Variants in CORO7 observed in about 807,000 individuals in gnomAD.
CORO7 encodes coronin-7.
In CORO7, 107 loss-of-function variants were observed where a neutral mutation model predicts 126.6. The ratio of observed to expected loss-of-function variants is 0.85; its 90% CI spans 0.72 to 0.99. CORO7 has a LOEUF of 0.99. Ranked by LOEUF, CORO7 falls within the 50% of genes least tolerant of loss-of-function variation. The probability of loss-of-function intolerance (pLI) is 0.00; values close to 1 mark genes in which losing one functional copy is unlikely to be tolerated. For synonymous variants in CORO7, 603 were observed against 536.8 expected (o/e 1.12, Z -1.70); for missense variants, 1,314 against 1,255.8 (o/e 1.05, Z -0.70).
At chr16:4,368,152 G>C (rs2054405805) in intron 9 of CORO7, among the ~76,000 whole-genome samples, 2 of 152,012 alleles carry the variant, frequency 1.3e-5, no homozygotes, top group African/African-American at 4.8e-5. Flanking sequence ...TTTGAGACCA[G>C]CCAGGCCAAC....
intron 9 of CORO7, among the ~76,000 whole-genome samples, chr16:4,377,359 T>TGGGTGGGC (rs1314884900): frequency 5.1e-5 from 1 of 19,514 alleles, no homozygotes; most frequent in African/African-American, 2.1e-4. Context: ...GGTGGGAGGG[T>TGGGTGGGC]GGGTGGGCGG....
intron 6 of CORO7, among the ~76,000 whole-genome samples, chr16:4,398,982 A>G (rs1254164406): frequency 6.6e-6 from 1 of 152,136 alleles, no homozygotes; most frequent in Non-Finnish European, 1.5e-5. Context: ...AAAAAAAAAA[A>G]ACAAAACCAA....
chr16:4,401,536 C>A (rs1192010760), intron 6 of CORO7, among the ~76,000 whole-genome samples: 2 of 152,178 alleles, frequency 1.3e-5, no homozygotes, highest in African/African-American at 4.8e-5. Context: ...ACCTCGGATT[C>A]AGAGGGATGG....
rs750175369 is a variant in CORO7, at chr16:4,364,856, G to A, written c.963C>T (p.Ala321=). 1.6e-5 allele frequency: 26 copies of A among 1,611,914 alleles called. No homozygotes were observed. The highest frequency in any genetic ancestry group is 3.3e-5 in the South Asian group (3 of 90,964). ...GAALVPRQAL[A]VMSCEVLRVL... ...CGCGGAGTACCTCGCAGCTCATGAC[G>A]GCCAGCGCCTGCCGGGGCACAAGGG... The change falls in exon 12 of 28, where the codon GCC becomes GCT. Residue 321 remains alanine (A), a synonymous_variant. Transcript: ENST00000251166.
At chr16:4,376,665 C>G (rs1379966902) in intron 9 of CORO7, among the ~76,000 whole-genome samples, 1 of 152,184 alleles carries the variant, frequency 6.6e-6, no homozygotes, top group African/African-American at 2.4e-5. Context: ...TGGTGTACCC[C>G]AGAGGTGGGT....
chr16:4,364,054 C>T (rs1013600095), intron 14 of CORO7, among the ~76,000 whole-genome samples: 5 of 152,046 alleles, frequency 3.3e-5, no homozygotes, highest in African/African-American at 1.2e-4. Context: ...GCCATGGTGG[C>T]ACATGCCTGT....
intron 19 of CORO7, 122 bp downstream of exon 19, chr16:4,360,821 C>A: frequency 6.7e-7 from 1 of 1,502,368 alleles, no homozygotes. Context: ...CCCACCCCTC[C>A]TCGCTGCTGG....
intron 6 of CORO7, among the ~76,000 whole-genome samples, chr16:4,395,833 A>G (rs148474633): frequency 2.0e-5 from 3 of 152,332 alleles, no homozygotes; most frequent in Non-Finnish European, 2.9e-5. Context: ...AACCAGGAAG[A>G]CGAGCTTACA....
At chr16:4,400,415 C>T (rs1408034286) in intron 6 of CORO7, among the ~76,000 whole-genome samples, 1 of 152,184 alleles carries the variant, frequency 6.6e-6, no homozygotes, top group Admixed American at 6.5e-5. Context: ...GGGTGGATCA[C>T]CTGATGTCAG....
At chr16:4,396,962 G>C (rs2055614878) in intron 6 of CORO7, among the ~76,000 whole-genome samples, 1 of 148,376 alleles carries the variant, frequency 6.7e-6, no homozygotes, top group African/African-American at 2.5e-5. Context: ...GTTGCAGTGA[G>C]CTGAGATTGC....
At chr16:4,376,335 C>A (rs1274987794) in intron 9 of CORO7, among the ~76,000 whole-genome samples, 1 of 152,194 alleles carries the variant, frequency 6.6e-6, no homozygotes, top group Non-Finnish European at 1.5e-5. Context: ...TTGGCAGACT[C>A]CCGGGGCTGG....
intron 9 of CORO7, among the ~76,000 whole-genome samples, chr16:4,380,141 G>A (rs575987422): frequency 2.5e-4 from 38 of 151,540 alleles, no homozygotes; most frequent in East Asian, 1.6e-3. Context: ...CATGTAGCCA[G>A]TGTCCCCACC....
chr16:4,392,090 C>A (rs985980830), intron 7 of CORO7, among the ~76,000 whole-genome samples: 30 of 152,166 alleles, frequency 2.0e-4, no homozygotes, highest in African/African-American at 6.3e-4. Flanking sequence ...CACCACCCCC[C>A]ACTGGCCTGT....
At chr16:4,357,820 G>A in intron 25 of CORO7, 148 bp downstream of exon 25, 3 of 1,393,848 alleles carry the variant, frequency 2.2e-6, no homozygotes, top group Non-Finnish European at 1.9e-6. Context: ...CCCTCCACTG[G>A]CTCAGAGACT....
chr16:4,365,474 C>A lies in CORO7; in HGVS notation c.840+17G>T, dbSNP rs368526398. The A allele has an allele frequency of 3.8e-4, 593 of 1,557,492 alleles. 5 individuals are homozygous for A. In the African/African-American group the frequency reaches 7.5e-3, roughly 20 times the overall value. On this transcript the variant is annotated intron_variant, in intron 10 of 27. Transcript: ENST00000251166. ...CCAGGCTGTGGATGTGGGTGGGAGC[C>A]CCAGCTTCTCACTCACCTTTCCTGC... is the stretch of plus-strand genomic sequence containing the variant.
intron 6 of CORO7, among the ~76,000 whole-genome samples, chr16:4,404,157 G>A (rs1024935476): frequency 6.6e-6 from 1 of 152,226 alleles, no homozygotes; most frequent in African/African-American, 2.4e-5. Flanking sequence ...AGTATGCAGA[G>A]CCCTGGGGCG....
At chr16:4,365,127 C>G (rs910364772) in intron 10 of CORO7, 67 bp from the exon 11 acceptor site, 1 of 1,548,516 alleles carries the variant, frequency 6.5e-7, no homozygotes, top group Non-Finnish European at 8.7e-7. Context: ...GGACTGGCAT[C>G]AGCTCCCCCA....
intron 6 of CORO7, among the ~76,000 whole-genome samples, chr16:4,403,876 C>T (rs2055901523): frequency 6.6e-6 from 1 of 152,178 alleles, no homozygotes; most frequent in Non-Finnish European, 1.5e-5. Context: ...GACGCCCGTC[C>T]CCTCCTTCTC....
At chr16:4,408,089 C>T in intron 4 of CORO7, 92 bp downstream of exon 4, 1 of 1,581,862 alleles carries the variant, frequency 6.3e-7, no homozygotes, top group Non-Finnish European at 8.6e-7. Flanking sequence ...GACTGGGAGG[C>T]AGCAGAGCCC....
Sources: allele counts gnomAD v4.1 joint callset (sites outside exome capture counted in the v4.1 genomes callset), GRCh38; gene constraint gnomAD v4.1.1; transcripts MANE v1.5; gene names NCBI Gene and HGNC (gene_info 2026-07-23, HGNC 2026-07-21).